UBR2: variants seen among roughly 807,000 people sequenced by gnomAD.
UBR2 encodes ubiquitin protein ligase E3 component n-recognin 2, also known as E3 ubiquitin-protein ligase UBR2.
A neutral mutation model predicts 247.9 loss-of-function variants in UBR2; 92 were observed. That is an observed-to-expected ratio of 0.37 (90% CI 0.31 to 0.44). UBR2 has a LOEUF of 0.44. Among genes scored for constraint, UBR2 ranks in the 20% least tolerant of loss-of-function variants. The pLI, the probability that UBR2 is intolerant of heterozygous loss-of-function variation, is 1.00. For missense variants in UBR2, 1,613 were observed against 2,112.6 expected (o/e 0.76, Z 4.64); for synonymous variants, 672 against 693.5 (o/e 0.97, Z 0.49).
At chr6:42,566,148 T>TATCC (rs1790765097) in intron 1 of UBR2, among the ~76,000 whole-genome samples, 1 of 152,054 alleles carries the variant, frequency 6.6e-6, no homozygotes, top group South Asian at 2.1e-4. Flanking sequence ...CAAATTCCGT[T>TATCC]ATCCCATTCT....
intron 4 of UBR2, among the ~76,000 whole-genome samples, chr6:42,602,528 A>G (rs1333522142): frequency 1.3e-5 from 2 of 151,364 alleles, no homozygotes; most frequent in African/African-American, 2.4e-5. Context: ...CACCTTCTCC[A>G]TTTGTTTTAT....
intron 40 of UBR2, among the ~76,000 whole-genome samples, chr6:42,678,268 A>G (rs980553347): frequency 6.0e-5 from 9 of 149,488 alleles, no homozygotes; most frequent in African/African-American, 2.0e-4. Flanking sequence ...CCCAGGAGGC[A>G]GAGCTTGCAG....
intron 36 of UBR2, among the ~76,000 whole-genome samples, chr6:42,672,989 C>G (rs1280020811): frequency 6.6e-6 from 1 of 152,200 alleles, no homozygotes; most frequent in Admixed American, 6.5e-5. Context: ...ATCAACTTAT[C>G]ACATACCCAT....
At chr6:42,608,750 G>T (rs774883398) in intron 7 of UBR2, among the ~76,000 whole-genome samples, 2 of 151,962 alleles carry the variant, frequency 1.3e-5, no homozygotes, top group Non-Finnish European at 2.9e-5. Flanking sequence ...TTGTTCTATT[G>T]GTCATTTAAG....
chr6:42,596,015 GA>G (rs1368933174), intron 4 of UBR2, among the ~76,000 whole-genome samples: 2 of 149,974 alleles, frequency 1.3e-5, no homozygotes, highest in Non-Finnish European at 3.0e-5. Context: ...AGATATATTT[GA>G]AAAAAAAGAA....
chr6:42,665,339 C>A, intron 32 of UBR2, 70 bp from the exon 33 acceptor site: 2 of 1,159,044 alleles, frequency 1.7e-6, no homozygotes, highest in South Asian at 1.5e-5. Context: ...TGCCTGTGAT[C>A]ATTTAAGGAG....
intron 9 of UBR2, 49 bp downstream of exon 9, chr6:42,615,227 T>A: frequency 7.1e-7 from 1 of 1,408,312 alleles, no homozygotes; most frequent in South Asian, 1.4e-5. Flanking sequence ...ATATAAGTAA[T>A]TGGGATGTGA....
At chr6:42,644,625 G>A in intron 20 of UBR2, 89 bp downstream of exon 20, 1 of 1,065,764 alleles carries the variant, frequency 9.4e-7, no homozygotes, top group East Asian at 2.4e-5. Context: ...TGTTTCCTTT[G>A]TTTTGAGAGG....
chr6:42,688,042 T>C, intron 44 of UBR2, 174 bp from the exon 45 acceptor site: 1 of 654,116 alleles, frequency 1.5e-6, no homozygotes, highest in Non-Finnish European at 2.6e-6. Flanking sequence ...TTTGTATATA[T>C]GTGCAAGATG....
At chr6:42,650,450 T>C in intron 23 of UBR2, 64 bp downstream of exon 23, 1 of 1,380,010 alleles carries the variant, frequency 7.2e-7, no homozygotes, top group Admixed American at 1.8e-5. Flanking sequence ...GAGATGAGGT[T>C]TCACCATGTT....
chr6:42,637,089 C>G lies in UBR2; in HGVS notation c.1753C>G (p.Gln585Glu). 1 of 1,614,100 alleles carries G rather than the reference C, an allele frequency of 6.2e-7. No homozygotes were observed. The highest frequency in any genetic ancestry group is 8.5e-7 in the Non-Finnish European group (1 of 1,180,002). The change falls in exon 15 of 47, where the codon CAG becomes GAG. Residue 585 changes from glutamine to glutamate, a missense_variant. By Grantham distance (29) the Gln-to-Glu change is conservative (BLOSUM62 2). Transcript: ENST00000372901. Reference protein sequence around the residue: ...QCHGGYTDGEQPITLSICGHS... With the variant: ...QCHGGYTDGEEPITLSICGHS... Reference sequence around the variant, plus strand: ...TCATGGTGGTTATACTGATGGTGAACAGCCAATCACACTAAGCATTTGTGG... The same window carrying G: ...TCATGGTGGTTATACTGATGGTGAAGAGCCAATCACACTAAGCATTTGTGG...
chr6:42,572,524 G>GT (rs1244877089), intron 1 of UBR2, among the ~76,000 whole-genome samples: 3 of 150,930 alleles, frequency 2.0e-5, no homozygotes, highest in African/African-American at 4.9e-5. Context: ...AACATTGGAG[G>GT]TTTTTTTTAA....
chr6:42,606,331 A>G (rs1018349008), intron 6 of UBR2, among the ~76,000 whole-genome samples: 1 of 152,212 alleles, frequency 6.6e-6, no homozygotes, highest in Admixed American at 6.5e-5. Context: ...TTAAGAGAAC[A>G]TATAGTTATT....
intron 11 of UBR2, chr6:42,619,798 G>A (rs1794861767): frequency 3.5e-6 from 1 of 287,766 alleles, no homozygotes; most frequent in Non-Finnish European, 5.2e-6. Context: ...GCTCACTGCA[G>A]CTTTGACCAC....
At chr6:42,674,089 A>G in intron 37 of UBR2, 37 bp from the exon 38 acceptor site, 1 of 1,590,954 alleles carries the variant, frequency 6.3e-7, no homozygotes. Context: ...ATGTTGGCAT[A>G]TGAAATATGC....
intron 22 of UBR2, among the ~76,000 whole-genome samples, chr6:42,649,297 T>C (rs1303355243): frequency 6.6e-6 from 1 of 152,204 alleles, no homozygotes; most frequent in Non-Finnish European, 1.5e-5. Context: ...GCATGAGCTA[T>C]GGTGCCAGGC....
At chr6:42,606,145 A>G (rs1793684977) in intron 6 of UBR2, among the ~76,000 whole-genome samples, 1 of 152,044 alleles carries the variant, frequency 6.6e-6, no homozygotes, top group South Asian at 2.1e-4. Context: ...CAGGAGGCTG[A>G]GGCAGGAGAA....
chr6:42,611,775 G>T (rs750189754), intron 7 of UBR2, among the ~76,000 whole-genome samples: 2 of 151,826 alleles, frequency 1.3e-5, no homozygotes, highest in African/African-American at 2.4e-5. Flanking sequence ...GCGTCGTGGC[G>T]CATGTCTGTA....
In UBR2 at chr6:42,617,284, G is replaced by A. The variant is rs62414625; in HGVS notation, c.1183-125G>A. The A allele has an allele frequency of 0.09, 144,460 of 1,613,954 alleles. 7,224 individuals carry two copies. The highest frequency in any genetic ancestry group is 0.14 in the Middle Eastern group (857 of 6,062). On this transcript the variant is annotated intron_variant, in intron 10 of 46. Coordinates refer to ENST00000372901, the MANE Select transcript of UBR2 (RefSeq NM_001363705.2). ...GAGATTTTATGGAGGATGATCACGAGCGAGCAGTGTCGGTGACTGCTCTAT... is the reference window on the plus strand; with the variant it reads ...GAGATTTTATGGAGGATGATCACGAACGAGCAGTGTCGGTGACTGCTCTAT...
Sources: allele counts gnomAD v4.1 joint callset (sites outside exome capture counted in the v4.1 genomes callset), GRCh38; gene constraint gnomAD v4.1.1; transcripts MANE v1.5; gene names NCBI Gene and HGNC (gene_info 2026-07-23, HGNC 2026-07-21).